Variants in GRIK2 observed in about 807,000 individuals in gnomAD.
GRIK2 encodes glutamate receptor ionotropic, kainate 2.
A neutral mutation model predicts 100.3 loss-of-function variants in GRIK2; 32 were observed. That is an observed-to-expected ratio of 0.32 (90% CI 0.24 to 0.43). The LOEUF is 0.43. Among genes scored for constraint, GRIK2 ranks in the 20% least tolerant of loss-of-function variants. The probability of loss-of-function intolerance (pLI) is 1.00; values close to 1 mark genes in which losing one functional copy is unlikely to be tolerated. For missense variants in GRIK2, 843 were observed against 1,114.9 expected (o/e 0.76, Z 3.47); for synonymous variants, 417 against 389.4 (o/e 1.07, Z -0.83).
At chr6:101,587,133 ATATG>A (rs1187809948) in intron 2 of GRIK2, among the ~76,000 whole-genome samples, 1 of 152,064 alleles carries the variant, frequency 6.6e-6, no homozygotes. Flanking sequence ...TTAAAAATGA[ATATG>A]AAAGAAAAAA....
intron 10 of GRIK2, among the ~76,000 whole-genome samples, chr6:101,845,627 T>A (rs1430719950): frequency 6.6e-6 from 1 of 152,224 alleles, no homozygotes; most frequent in East Asian, 1.9e-4. Flanking sequence ...GCACATTGGT[T>A]CACAGTTTTT....
At chr6:101,536,139 T>C (rs1248964875) in intron 2 of GRIK2, among the ~76,000 whole-genome samples, 1 of 151,658 alleles carries the variant, frequency 6.6e-6, no homozygotes, top group Non-Finnish European at 1.5e-5. Flanking sequence ...AAAAGTTTTT[T>C]TGTGTATGTG....
chr6:101,808,185 A>G (rs1028741026), intron 9 of GRIK2, among the ~76,000 whole-genome samples: 1 of 152,010 alleles, frequency 6.6e-6, no homozygotes, highest in African/African-American at 2.4e-5. Flanking sequence ...AAGATCTTAG[A>G]CTGTAACTTC....
chr6:101,554,478 A>G (rs1338652485), intron 2 of GRIK2, among the ~76,000 whole-genome samples: 1 of 152,134 alleles, frequency 6.6e-6, no homozygotes, highest in Admixed American at 6.5e-5. Flanking sequence ...TGTGTGTTAG[A>G]GTGTCACTAC....
intron 2 of GRIK2, among the ~76,000 whole-genome samples, chr6:101,615,175 G>A (rs911836034): frequency 3.3e-5 from 5 of 151,744 alleles, no homozygotes; most frequent in African/African-American, 9.7e-5. Context: ...GCCTTTTGTA[G>A]TGAAGAGAAC....
chr6:101,475,834 T>C (rs1196301335), intron 2 of GRIK2, among the ~76,000 whole-genome samples: 8 of 152,030 alleles, frequency 5.3e-5, no homozygotes, highest in Non-Finnish European at 1.0e-4. Context: ...CACTGATACC[T>C]ACTAAAACAT....
chr6:101,790,454 A>G (rs1165957476), intron 7 of GRIK2, among the ~76,000 whole-genome samples: 1 of 151,598 alleles, frequency 6.6e-6, no homozygotes, highest in African/African-American at 2.4e-5. Flanking sequence ...TTCTGCATCT[A>G]TTGAGATAAT....
chr6:101,459,368 C>T (rs957728845), intron 2 of GRIK2, among the ~76,000 whole-genome samples: 1 of 152,150 alleles, frequency 6.6e-6, no homozygotes, highest in Non-Finnish European at 1.5e-5. Flanking sequence ...ACCATTTAGT[C>T]TTCCATTTAT....
At chr6:101,931,714 G>A (rs148716216) in intron 14 of GRIK2, among the ~76,000 whole-genome samples, 77 of 152,088 alleles carry the variant, frequency 5.1e-4, no homozygotes, top group African/African-American at 1.7e-3. Context: ...AGAGATAAAT[G>A]TAAAGCCATG....
intron 7 of GRIK2, among the ~76,000 whole-genome samples, chr6:101,715,101 A>G (rs766199969): frequency 1.3e-5 from 2 of 151,832 alleles, no homozygotes; most frequent in African/African-American, 2.4e-5. Flanking sequence ...CTGAAGTGTT[A>G]TAAGTAAAAT....
intron 4 of GRIK2, among the ~76,000 whole-genome samples, chr6:101,649,234 G>A (rs989574707): frequency 3.9e-5 from 6 of 152,078 alleles, no homozygotes; most frequent in Middle Eastern, 3.2e-3. Context: ...AGACAAACAA[G>A]TGACATAATA....
intron 2 of GRIK2, among the ~76,000 whole-genome samples, chr6:101,542,376 A>G (rs567569286): frequency 6.6e-6 from 1 of 152,214 alleles, no homozygotes; most frequent in South Asian, 2.1e-4. Flanking sequence ...CCATATTTGA[A>G]TAACTATCAC....
intron 2 of GRIK2, among the ~76,000 whole-genome samples, chr6:101,606,038 A>G (rs570414508): frequency 1.9e-4 from 29 of 152,106 alleles, no homozygotes; most frequent in Non-Finnish European, 1.9e-4. Context: ...TACAAGGTCA[A>G]TGGTTAATTA....
intron 4 of GRIK2, among the ~76,000 whole-genome samples, chr6:101,665,739 G>T (rs1335552904): frequency 6.6e-6 from 1 of 152,084 alleles, no homozygotes; most frequent in Non-Finnish European, 1.5e-5. Flanking sequence ...GGTAAGAGTT[G>T]GTCATTTTCT....
intron 2 of GRIK2, among the ~76,000 whole-genome samples, chr6:101,460,231 C>T (rs1305196990): frequency 2.0e-5 from 3 of 152,148 alleles, no homozygotes; most frequent in East Asian, 3.9e-4. Context: ...CTCCTCAAAT[C>T]TCTCAAGCAG....
chr6:101,880,144 T>C (rs558072044), intron 11 of GRIK2, among the ~76,000 whole-genome samples: 1 of 152,208 alleles, frequency 6.6e-6, no homozygotes, highest in South Asian at 2.1e-4. Context: ...GCTATTCTTA[T>C]GTCTAGCTAT....
rs192969840 is a variant in GRIK2 at position 101,740,535 on chromosome 6, T to A, written c.951+54182T>A. Among the ~76,000 whole-genome samples the A allele has an allele frequency of 2.2e-3, 337 of 152,330 alleles. 2 individuals carry two copies. The highest frequency in any genetic ancestry group is 8.0e-3 in the African/African-American group (331 of 41,586). On this transcript the variant is annotated intron_variant, in intron 7 of 16. Transcript: ENST00000369134. ...TAAGCTATGTTCAGAACGTAACTTT[T>A]GCTCTTGTTTTTCTTTGTTAGGTTT... is the stretch of plus-strand genomic sequence containing the variant.
chr6:101,659,618 C>G (rs1582909327), intron 4 of GRIK2, among the ~76,000 whole-genome samples: 1 of 152,098 alleles, frequency 6.6e-6, no homozygotes, highest in Non-Finnish European at 1.5e-5. Flanking sequence ...CTAGTTTTTC[C>G]TTTCCATATT....
At chr6:101,990,026 T>C (rs1794271158) in intron 14 of GRIK2, among the ~76,000 whole-genome samples, 1 of 151,708 alleles carries the variant, frequency 6.6e-6, no homozygotes, top group Admixed American at 6.6e-5. Flanking sequence ...CTTCCAAGAA[T>C]AGTTGCTCTG....
Sources: allele counts gnomAD v4.1 joint callset (sites outside exome capture counted in the v4.1 genomes callset), GRCh38; gene constraint gnomAD v4.1.1; transcripts MANE v1.5; gene names NCBI Gene and HGNC (gene_info 2026-07-23, HGNC 2026-07-21).